The following C4orf50 variants were observed in gnomAD, a reference collection of about 807,000 sequenced individuals.
The protein encoded by C4orf50 is uncharacterized protein C4orf50.
C4orf50 carries 80 observed loss-of-function variants against 77.2 expected under a neutral mutation model. The observed-to-expected ratio is 1.04, with a 90% CI of 0.87 to 1.25. The LOEUF is 1.25. Ranked by LOEUF, C4orf50 falls within the 50% of genes most tolerant of loss-of-function variation. The pLI is 0.00. For missense variants in C4orf50, 1,257 were observed against 1,152.9 expected (o/e 1.09, Z -1.31); for synonymous variants, 532 against 465.3 (o/e 1.14, Z -1.84).
chr4:5,990,972 G>C (rs370035637), intron 27 of C4orf50, 148 bp from the exon 6 acceptor site: 9 of 397,366 alleles, frequency 2.3e-5, no homozygotes, highest in Non-Finnish European at 4.0e-5. Flanking sequence ...AGCTGGTACC[G>C]CCCCAGGGCC....
intron 25 of C4orf50, among the ~76,000 whole-genome samples, chr4:6,003,851 G>GATAGTGATGA (rs1721989659): frequency 9.1e-6 from 1 of 110,050 alleles, no homozygotes; most frequent in Non-Finnish European, 1.9e-5. Context: ...AGTGATGATG[G>GATAGTGATGA]TGATGATGGT....
intron 7 of C4orf50, among the ~76,000 whole-genome samples, chr4:5,936,490 A>C (rs1718019239): frequency 7.4e-6 from 1 of 134,852 alleles, no homozygotes; most frequent in Non-Finnish European, 1.5e-5. Flanking sequence ...TGAACCCAGG[A>C]GGTGAAGGCT....
chr4:5,953,277 G>T (rs1253629590), downstream of C4orf50, among the ~76,000 whole-genome samples: 2 of 152,204 alleles, frequency 1.3e-5, no homozygotes, highest in Admixed American at 6.5e-5. Flanking sequence ...GAGTGAAAAA[G>T]AATGGCTGGG....
At chr4:5,986,114 A>T (rs1009897519) in intron 28 of C4orf50, among the ~76,000 whole-genome samples, 1 of 152,262 alleles carries the variant, frequency 6.6e-6, no homozygotes, top group Admixed American at 6.5e-5. Flanking sequence ...AATAGACAAC[A>T]TATCAGCAAA....
At position 6,004,392 on chromosome 4, in the gene C4orf50, G is replaced by A. The variant is rs1202407720; in HGVS notation, c.963+3604C>T. 3.7e-5 allele frequency among the ~76,000 whole-genome samples: 4 copies of A among 109,050 alleles called. 1 individual carries two copies. Among genetic ancestry groups the A allele is most frequent in the Non-Finnish European group, 7.9e-5 (4 of 50,862 alleles). The allele number at this position is 109,050 out of a possible 152,430, so 71.5% of individuals were successfully genotyped here. A position where few individuals can be genotyped will look rare whatever the true frequency, so the allele number is the denominator to read the frequency against. The stretch of plus-strand genomic sequence containing the variant: ...TGGTGATGGTGATGATGGTGATGGT[G>A]GTGATGGTGATGGAGATGTTGGTGA... On this transcript the variant is annotated intron_variant, in intron 25 of 33. Coordinates refer to ENST00000531445, the Ensembl canonical transcript of C4orf50.
Position 6,018,497 on chromosome 4 carries a change from C to A in C4orf50, c.-66G>T. On this transcript the variant is annotated 5_prime_UTR_variant, in exon 23 of 34. Transcript: ENST00000531445. The surrounding 1 kb of genome is among the most constrained non-coding windows in gnomAD (Gnocchi z 5.1). ...AAGTGAGTTTGCAACATTGACTTCC[C>A]GGAGATTTCAAGGTGGTGTTTGTGA... The A allele has an allele frequency of 2.5e-6, 1 of 398,404 alleles. No homozygotes were observed. The highest frequency in any genetic ancestry group is 1.3e-4 in the South Asian group (1 of 7,568). 24.7% of individuals were successfully genotyped at this position (398,404 alleles called of 1,614,324 possible). A position where few individuals can be genotyped will look rare whatever the true frequency, so the allele number is the denominator to read the frequency against.
Position 5,900,264 on chromosome 4 carries a change from A to T in C4orf50, c.*2475-2076T>A, listed in dbSNP as rs1716288349. 6.6e-6 allele frequency: 1 copy of T among 152,208 alleles called. No homozygotes were observed. The highest frequency in any genetic ancestry group is 2.1e-4 in the South Asian group (1 of 4,824). 9.4% of individuals were successfully genotyped at this position (152,208 alleles called of 1,614,324 possible). A position where few individuals can be genotyped will look rare whatever the true frequency, so the allele number is the denominator to read the frequency against. ...AAATAGAAAGGACCCCAGCTGTAAA[A>T]GGACTTGCGTTCCCTGTTCTCTCCA... On this transcript the variant is annotated intron_variant, in intron 7 of 7. Coordinates refer to the C4orf50 transcript ENST00000324058. This position sits in a 1 kb window ranked among gnomAD's most constrained non-coding sequence, Gnocchi z 4.3.
intron 25 of C4orf50, among the ~76,000 whole-genome samples, chr4:5,997,122 A>G (rs1395543767): frequency 6.6e-6 from 1 of 152,240 alleles, no homozygotes; most frequent in African/African-American, 2.4e-5. Context: ...AGTCGAAGGA[A>G]GAGGAAGGAC....
chr4:6,005,949 C>T (rs1237598749), intron 25 of C4orf50, among the ~76,000 whole-genome samples: 4 of 152,120 alleles, frequency 2.6e-5, no homozygotes, highest in Admixed American at 1.3e-4. Flanking sequence ...GGACTTAAGC[C>T]AACAGCCTAA....
At chr4:5,975,761 T>C (rs1720240944) in intron 30 of C4orf50, 138 bp downstream of exon 8, 6 of 654,398 alleles carry the variant, frequency 9.2e-6, no homozygotes, top group Admixed American at 2.3e-5. Flanking sequence ...AGTGCTGGGA[T>C]TACAGGTGTG....
At chr4:6,003,659 A>ATGATGG (rs1291187324) in intron 25 of C4orf50, among the ~76,000 whole-genome samples, 7 of 62,908 alleles carry the variant, frequency 1.1e-4, no homozygotes, top group South Asian at 1.0e-3. Context: ...GATGATGGTG[A>ATGATGG]TGATGGTGAT....
chr4:6,014,257 C>T (rs1722601133), intron 23 of C4orf50, among the ~76,000 whole-genome samples: 1 of 152,126 alleles, frequency 6.6e-6, no homozygotes, highest in Non-Finnish European at 1.5e-5. Flanking sequence ...CCGCCTGGGC[C>T]TCCCAAAGTG....
At chr4:5,942,287 G>A (rs912464902) in intron 7 of C4orf50, among the ~76,000 whole-genome samples, 1 of 152,218 alleles carries the variant, frequency 6.6e-6, no homozygotes, top group Non-Finnish European at 1.5e-5. Flanking sequence ...CAGGAGCAGG[G>A]TGGTCTGGGC....
chr4:5,935,684 G>T (rs1717975759), intron 7 of C4orf50, among the ~76,000 whole-genome samples: 1 of 151,520 alleles, frequency 6.6e-6, no homozygotes, highest in African/African-American at 2.4e-5. Context: ...TACTCGGGAG[G>T]CTGAGGCAGG....
At chr4:5,946,930 T>G (rs1347731475) in intron 7 of C4orf50, among the ~76,000 whole-genome samples, 2 of 152,218 alleles carry the variant, frequency 1.3e-5, no homozygotes, top group African/African-American at 4.8e-5. Context: ...AGAAGATACA[T>G]TTACATATAA....
chr4:5,932,865 T>A lies in C4orf50; in HGVS notation c.*2474+24036A>T, dbSNP rs1324724199. 1.3e-5 allele frequency among the ~76,000 whole-genome samples: 2 copies of A among 152,310 alleles called. No individual in the cohort carries two copies. The highest frequency in any genetic ancestry group is 3.9e-4 in the East Asian group (2 of 5,186). ...AATATTACTAGTTAGCTTCACAAATTGTTACAGGGTTTAAATGAGATAGTG... is the reference window on the plus strand; with the variant it reads ...AATATTACTAGTTAGCTTCACAAATAGTTACAGGGTTTAAATGAGATAGTG... On this transcript the variant is annotated intron_variant, in intron 7 of 7. Transcript: ENST00000324058. This position sits in a 1 kb window ranked among gnomAD's most constrained non-coding sequence, Gnocchi z 4.2.
intron 7 of C4orf50, chr4:5,902,222 G>C (rs1716370804): frequency 6.6e-6 from 1 of 152,156 alleles, no homozygotes; most frequent in Non-Finnish European, 1.5e-5. Context: ...ATCTCTGCTG[G>C]GGAAGGCAAG....
rs1383600191 is a variant in C4orf50, at chr4:6,008,384, C to T, written c.575G>A (p.Arg192Gln). 5 of 393,298 alleles carry T rather than the reference C, an allele frequency of 1.3e-5. No individual in the cohort carries two copies. The highest frequency in any genetic ancestry group is 2.1e-5 in the African/African-American group (1 of 48,270). The allele number at this position is 393,298 out of a possible 1,614,324, so 24.4% of individuals were successfully genotyped here. A position where few individuals can be genotyped will look rare whatever the true frequency, so the allele number is the denominator to read the frequency against. The change falls in exon 25 of 34, where the codon CGG becomes CAG. Residue 192 changes from arginine (R) to glutamine (Q), a missense_variant. Coordinates refer to ENST00000531445, the Ensembl canonical transcript of C4orf50. The surrounding 1 kb of genome is among the most constrained non-coding windows in gnomAD (Gnocchi z 6.0). ...CTCCCGCAGGACGCGCTCCTGCTCCCGCACCAGGCCCAGCTGGCGCCGCTG... is the reference window on the plus strand; with the variant it reads ...CTCCCGCAGGACGCGCTCCTGCTCCTGCACCAGGCCCAGCTGGCGCCGCTG...
intron 25 of C4orf50, among the ~76,000 whole-genome samples, chr4:6,004,997 T>C (rs1410510862): frequency 6.6e-6 from 1 of 152,146 alleles, no homozygotes; most frequent in African/African-American, 2.4e-5. Flanking sequence ...ATCATCCCAG[T>C]ATTAGTCCCA....
Sources: allele counts gnomAD v4.1 joint callset (sites outside exome capture counted in the v4.1 genomes callset), GRCh38; gene constraint gnomAD v4.1.1; non-coding constraint Gnocchi (gnomAD v3.1); transcripts MANE v1.5; gene names NCBI Gene and HGNC (gene_info 2026-07-23, HGNC 2026-07-21).